The following MED12L variants were observed in gnomAD, a reference collection of about 807,000 sequenced individuals.
MED12L encodes mediator complex subunit 12L, also known as mediator of RNA polymerase II transcription subunit 12-like protein.
Under a neutral mutation model 281.3 loss-of-function variants are expected in MED12L, and 60 were observed. That is an observed-to-expected ratio of 0.21 (90% CI 0.17 to 0.26). The LOEUF is 0.26. Among genes scored for constraint, MED12L ranks in the 10% least tolerant of loss-of-function variants. The pLI is 1.00. For synonymous variants in MED12L, 974 were observed against 987.2 expected, an observed-to-expected ratio of 0.99 and a Z score of 0.25; for missense variants, 2,146 against 2,680.9, an observed-to-expected ratio of 0.80 and a Z score of 4.41.
chr3:151,403,256 G>A (rs973503675), intron 39 of MED12L, among the ~76,000 whole-genome samples: 12 of 151,924 alleles, frequency 7.9e-5, no homozygotes, highest in African/African-American at 2.7e-4. Flanking sequence ...ATACATCTAT[G>A]GTATAGAAAC....
chr3:151,306,784 A>G (rs912745544), intron 16 of MED12L, among the ~76,000 whole-genome samples: 1 of 152,168 alleles, frequency 6.6e-6, no homozygotes, highest in Non-Finnish European at 1.5e-5. Context: ...TCTGGTCAGG[A>G]TCTTGAAATA....
chr3:151,426,766 T>G (rs764503309), intron 43 of MED12L, among the ~76,000 whole-genome samples: 22 of 152,196 alleles, frequency 1.4e-4, no homozygotes, highest in Middle Eastern at 3.4e-3. Context: ...CATGCTTTTA[T>G]GAAAAATAGG....
intron 16 of MED12L, among the ~76,000 whole-genome samples, chr3:151,195,697 A>G (rs1013001296): frequency 2.6e-5 from 4 of 152,194 alleles, no homozygotes; most frequent in Non-Finnish European, 5.9e-5. Flanking sequence ...TATTCTGGGT[A>G]AAAAAGGGAG....
chr3:151,119,346 C>A (rs1235429149), intron 3 of MED12L, among the ~76,000 whole-genome samples: 1 of 152,208 alleles, frequency 6.6e-6, no homozygotes, highest in East Asian at 1.9e-4. Context: ...TATTTTCTCA[C>A]TATCTGAAGG....
intron 5 of MED12L, among the ~76,000 whole-genome samples, chr3:151,152,257 G>T (rs988029667): frequency 7.3e-5 from 11 of 151,718 alleles, no homozygotes; most frequent in African/African-American, 2.7e-4. Context: ...GTGCCACCAT[G>T]CCTGGCTAAT....
intron 16 of MED12L, among the ~76,000 whole-genome samples, chr3:151,217,294 T>C (rs1323636726): frequency 6.6e-6 from 1 of 152,178 alleles, no homozygotes; most frequent in Non-Finnish European, 1.5e-5. Context: ...TCTCAGAGTC[T>C]TGTGTCTTTT....
intron 44 of MED12L, among the ~76,000 whole-genome samples, chr3:151,430,581 T>G (rs142863872): frequency 2.1e-4 from 32 of 150,968 alleles, no homozygotes; most frequent in Non-Finnish European, 3.7e-4. Context: ...AAAGCCCCAA[T>G]TTTTCTCAAA....
At chr3:151,386,901 G>T (rs1214314691) in intron 36 of MED12L, among the ~76,000 whole-genome samples, 1 of 151,960 alleles carries the variant, frequency 6.6e-6, no homozygotes, top group African/African-American at 2.4e-5. Flanking sequence ...TAGAGACGGG[G>T]TTTCACCATG....
chr3:151,188,314 A>G, intron 12 of MED12L, 40 bp from the exon 13 acceptor site: 1 of 1,523,154 alleles, frequency 6.6e-7, no homozygotes, highest in Non-Finnish European at 9.1e-7. Context: ...TTATGACTAT[A>G]CTTCTGTAAT....
chr3:151,405,636 C>A (rs1716210079), intron 39 of MED12L, among the ~76,000 whole-genome samples: 1 of 152,272 alleles, frequency 6.6e-6, no homozygotes, highest in Non-Finnish European at 1.5e-5. Flanking sequence ...GATGCTGTCT[C>A]ACTTTGTGTT....
intron 3 of MED12L, among the ~76,000 whole-genome samples, chr3:151,117,960 G>T (rs1008542971): frequency 2.0e-5 from 3 of 151,676 alleles, no homozygotes; most frequent in African/African-American, 7.3e-5. Context: ...GTGTGGTGGT[G>T]GGCGCCTGTA....
chr3:151,127,298 C>T (rs764102411), intron 4 of MED12L, among the ~76,000 whole-genome samples: 4 of 152,162 alleles, frequency 2.6e-5, no homozygotes, highest in African/African-American at 7.2e-5. Context: ...TCATTGTAGT[C>T]TCTCTTTTAA....
At chr3:151,293,357 C>T (rs982248501) in intron 16 of MED12L, among the ~76,000 whole-genome samples, 1 of 152,180 alleles carries the variant, frequency 6.6e-6, no homozygotes, top group Admixed American at 6.5e-5. Flanking sequence ...CTTCACTCCT[C>T]CTCTGTTAAT....
In MED12L at chr3:151,434,796, ATGAG is replaced by A. The variant is rs1195667790; in HGVS notation, c.*1995_*1998del. 1 of 152,248 alleles carries A rather than the reference ATGAG, an allele frequency of 6.6e-6. No individual in the cohort carries two copies. The highest frequency in any genetic ancestry group is 1.5e-5 in the Non-Finnish European group (1 of 68,038). The allele number at this position is 152,248 out of a possible 1,614,324, so 9.4% of individuals were successfully genotyped here. ...AAACAACAGTAATACTGTTTTAAGA[ATGAG>A]TGTTATAATTGCATAGCATTTGTAT... On this transcript the variant is annotated 3_prime_UTR_variant, in exon 45 of 45. Transcript: ENST00000687756.
At chr3:151,240,201 GCCTGTGTCAATAGATGTTCACTA>G in intron 16 of MED12L, among the ~76,000 whole-genome samples, 1 of 152,070 alleles carries the variant, frequency 6.6e-6, no homozygotes, top group South Asian at 2.1e-4. Flanking sequence ...TAGTCAATGG[GCCTGTGTCAATAGATGTTCACTA>G]CCTGTGTACT....
chr3:151,085,736 CGCCGGCGGCGA>C lies in MED12L; in HGVS notation c.-322_-312del, dbSNP rs1444830175. 1 of 151,996 alleles carries C rather than the reference CGCCGGCGGCGA, an allele frequency of 6.6e-6. No homozygotes were observed. The highest frequency in any genetic ancestry group is 2.1e-4 in the South Asian group (1 of 4,826). The allele number at this position is 151,996 out of a possible 1,614,324, so 9.4% of individuals were successfully genotyped here. A position where few individuals can be genotyped will look rare whatever the true frequency, so the allele number is the denominator to read the frequency against. ...CGCTCCCGGGCCGTGGGGGCGAGAACGCCGGCGGCGAGCCGGCGTCGCTCGCCGCCCCCAGA... is the reference window on the plus strand; with the variant it reads ...CGCTCCCGGGCCGTGGGGGCGAGAACGCCGGCGTCGCTCGCCGCCCCCAGA... On this transcript the variant is annotated 5_prime_UTR_variant, in exon 1 of 45. The change abolishes the stop of an existing upstream ORF in the 5' untranslated region. Transcript: ENST00000687756.
intron 17 of MED12L, 132 bp downstream of exon 17, chr3:151,350,338 G>A (rs1753066109): frequency 2.7e-6 from 2 of 736,768 alleles, no homozygotes; most frequent in Non-Finnish European, 4.0e-6. Flanking sequence ...ACATTGAAAT[G>A]TGAACAAGCA....
chr3:151,416,262 GC>G, intron 42 of MED12L, 49 bp from the exon 43 acceptor site: 1 of 1,612,214 alleles, frequency 6.2e-7, no homozygotes, highest in Non-Finnish European at 8.5e-7. Context: ...ATTCAGCAAT[GC>G]TGTTTTCTTC....
At chr3:151,190,643 A>C in intron 13 of MED12L, 74 bp from the exon 14 acceptor site, 1 of 1,300,934 alleles carries the variant, frequency 7.7e-7, no homozygotes, top group Non-Finnish European at 1.1e-6. Flanking sequence ...AGTAATGAAA[A>C]TATTAAGCCT....
Sources: allele counts gnomAD v4.1 joint callset (sites outside exome capture counted in the v4.1 genomes callset), GRCh38; gene constraint gnomAD v4.1.1; transcripts MANE v1.5; gene names NCBI Gene and HGNC (gene_info 2026-07-23, HGNC 2026-07-21).